Variants in MARCHF2 observed in about 807,000 individuals in gnomAD.
MARCHF2 encodes E3 ubiquitin-protein ligase MARCHF2.
MARCHF2 carries 22 observed loss-of-function variants against 24.0 expected under a neutral mutation model. That is an observed-to-expected ratio of 0.92 (90% CI 0.66 to 1.31). The LOEUF (loss-of-function observed/expected upper bound fraction) is 1.31. Among genes scored for constraint, MARCHF2 ranks in the 50% most tolerant of loss-of-function variants. The pLI is 0.00. For synonymous variants in MARCHF2, 154 were observed against 153.0 expected (o/e 1.01, Z -0.05); for missense variants, 301 against 335.3 (o/e 0.90, Z 0.80).
chr19:8,416,078 T>G (rs931336691), intron 1 of MARCHF2, among the ~76,000 whole-genome samples: 30 of 152,210 alleles, frequency 2.0e-4, no homozygotes, highest in African/African-American at 7.2e-4. Flanking sequence ...GCACAGTGGC[T>G]CATGCCTGTA....
chr19:8,426,573 C>T (rs755446130), intron 2 of MARCHF2, 36 bp from the exon 3 acceptor site: 17 of 1,582,440 alleles, frequency 1.1e-5, no homozygotes, highest in Non-Finnish European at 1.3e-5. Context: ...GACAGAAAGC[C>T]CAATCATTGC....
At chr19:8,415,731 A>C (rs74176300) in intron 1 of MARCHF2, among the ~76,000 whole-genome samples, 1,349 of 81,820 alleles carry the variant, frequency 0.016, 106 homozygotes, top group South Asian at 0.028. Context: ...CAAAAAAAAA[A>C]AAACAAAAAA....
chr19:8,428,649 C>CAAAAAA (rs59542078), intron 3 of MARCHF2, among the ~76,000 whole-genome samples: 336 of 30,680 alleles, frequency 0.011, 60 homozygotes, highest in East Asian at 0.035. Context: ...GACTCTATCT[C>CAAAAAA]AAAAAAAAAA....
In MARCHF2 at chr19:8,421,722, G is replaced by A. The variant is rs1449081596; in HGVS notation, c.-52-67G>A. On this transcript the variant is annotated intron_variant, in intron 1 of 4. Transcript: ENST00000215555. The stretch of plus-strand genomic sequence containing the variant: ...TGGTCCCTACAGCCTTGACAAGAGG[G>A]GACTCAAACCTTAGTCCGTCAGGCT... 7.3e-6 allele frequency: 6 copies of A among 824,150 alleles called. No homozygotes were observed. In the African/African-American group the frequency reaches 8.6e-5, roughly 12 times the overall value. 51.1% of individuals were successfully genotyped at this position (824,150 alleles called of 1,614,324 possible). A position where few individuals can be genotyped will look rare whatever the true frequency, so the allele number is the denominator to read the frequency against.
intron 1 of MARCHF2, among the ~76,000 whole-genome samples, chr19:8,415,744 C>CAAA (rs542384304): frequency 2.1e-5 from 2 of 96,196 alleles, no homozygotes; most frequent in African/African-American, 3.8e-5. Context: ...ACAAAAAAAA[C>CAAA]AAAAAAAAAA....
intron 1 of MARCHF2, among the ~76,000 whole-genome samples, chr19:8,418,971 G>C (rs932169667): frequency 6.6e-6 from 1 of 152,006 alleles, no homozygotes; most frequent in Non-Finnish European, 1.5e-5. Context: ...TGTAGCTCTT[G>C]GGGGTTGGAC....
intron 2 of MARCHF2, among the ~76,000 whole-genome samples, chr19:8,425,365 A>G (rs1967369154): frequency 6.6e-6 from 1 of 150,540 alleles, no homozygotes; most frequent in Non-Finnish European, 1.5e-5. Context: ...ACACCACTGC[A>G]CTCCAGCCTG....
In MARCHF2 at chr19:8,430,636, C is replaced by T; in HGVS notation, c.373-22C>T. ...CCCCTTCTCTGCCCCCTCTCCTCTG[C>T]CCCCTATCCTCTCCCCTGCAGTGGC... On this transcript the variant is annotated intron_variant, in intron 3 of 4. Transcript: ENST00000215555. This position sits in a 1 kb window ranked among gnomAD's most constrained non-coding sequence, Gnocchi z 4.4. The T allele has an allele frequency of 6.3e-7, 1 of 1,599,922 alleles. No homozygotes were observed. The highest frequency in any genetic ancestry group is 8.5e-7 in the Non-Finnish European group (1 of 1,176,042).
In MARCHF2 at chr19:8,438,617, C is replaced by T. The variant is rs1213456049; in HGVS notation, c.*71C>T. 15 of 1,486,768 alleles carry T rather than the reference C, an allele frequency of 1.0e-5. No individual in the cohort carries two copies. Among genetic ancestry groups the T allele is most frequent in the Admixed American group, 4.1e-5 (2 of 49,332 alleles). 92.1% of individuals were successfully genotyped at this position (1,486,768 alleles called of 1,614,324 possible). ...GGTGATACCCTGTCCTGTGGAAGGA[C>T]TTCCACTTCAACACTTCCACTTCAA... On this transcript the variant is annotated 3_prime_UTR_variant, in exon 5 of 5. Coordinates refer to ENST00000215555, the MANE Select transcript of MARCHF2 (RefSeq NM_001005415.2).
At position 8,430,835 on chromosome 19, in the gene MARCHF2, G is replaced by A. The variant is rs1314708175; in HGVS notation, c.550G>A (p.Ala184Thr). Residue 184 changes from alanine (A) to threonine (T), a missense_variant, in exon 4 of 5, where the codon GCC becomes ACC. Ala to Thr is a moderately conservative substitution (Grantham distance 58). Transcript: ENST00000215555. The surrounding 1 kb of genome is among the most constrained non-coding windows in gnomAD (Gnocchi z 4.4). ...EAVGLIALTI[A>T]LFTIYVLWTL... ...CGTGGGTCTCATTGCCCTCACCATC[G>A]CCCTCTTCACCATCTATGTCCTCTG... is the stretch of plus-strand genomic sequence containing the variant. The A allele has an allele frequency of 3.1e-6, 5 of 1,609,684 alleles. No individual in the cohort carries two copies. The highest frequency in any genetic ancestry group is 2.2e-5 in the East Asian group (1 of 44,872).
chr19:8,418,280 T>G (rs903637753), intron 1 of MARCHF2: 4 of 152,256 alleles, frequency 2.6e-5, no homozygotes, highest in Admixed American at 2.6e-4. Flanking sequence ...ATCTCAGGCC[T>G]GCAGTCTTCC....
At position 8,415,737 on chromosome 19, in the gene MARCHF2, A is replaced by C. The variant is rs1359336891; in HGVS notation, c.-53+2317A>C. 3.9e-4 allele frequency among the ~76,000 whole-genome samples: 38 copies of C among 96,956 alleles called. 2 individuals are homozygous for C. The highest frequency in any genetic ancestry group is 5.6e-4 in the Admixed American group (5 of 8,922). 63.6% of individuals were successfully genotyped at this position (96,956 alleles called of 152,430 possible). ...ACTCCATCTCAAAAAAAAAAAAACA[A>C]AAAAAACAAAAAAAAAAACCAGACA... On this transcript the variant is annotated intron_variant, in intron 1 of 4. Transcript: ENST00000215555.
At chr19:8,431,530 AAAAAG>A (rs1967586389) in intron 4 of MARCHF2, among the ~76,000 whole-genome samples, 1 of 150,234 alleles carries the variant, frequency 6.7e-6, no homozygotes, top group Non-Finnish European at 1.5e-5. Flanking sequence ...GGAAAAAAGA[AAAAAG>A]AAAGAAATTG....
rs1227544622 is a variant in MARCHF2, at chr19:8,438,988, A to G, written c.*442A>G. 6.4e-6 allele frequency: 1 copy of G among 155,490 alleles called. No homozygotes were observed. The highest frequency in any genetic ancestry group is 1.4e-5 in the Non-Finnish European group (1 of 69,904). 9.6% of individuals were successfully genotyped at this position (155,490 alleles called of 1,614,324 possible). ...CTGCGTTTCAAAAACCCACCCCTGA[A>G]TGAATAAAAGGAGCCCTGGCTGGAC... On this transcript the variant is annotated 3_prime_UTR_variant, in exon 5 of 5. Coordinates refer to ENST00000215555, the MANE Select transcript of MARCHF2 (RefSeq NM_001005415.2).
In MARCHF2 at chr19:8,430,660, G is replaced by A; in HGVS notation, c.375G>A (p.Trp125Ter). 6.2e-7 allele frequency: 1 copy of A among 1,607,082 alleles called. No individual in the cohort carries two copies. The highest frequency in any genetic ancestry group is 8.5e-7 in the Non-Finnish European group (1 of 1,179,712). Residue 125 changes from tryptophan to a stop codon, truncating the protein, a stop_gained and splice_region_variant, in exon 4 of 5, where the codon TGG (tryptophan) becomes TGA (stop). Coordinates refer to ENST00000215555, the MANE Select transcript of MARCHF2 (RefSeq NM_001005415.2). LOFTEE classifies it high-confidence loss of function. This position sits in a 1 kb window ranked among gnomAD's most constrained non-coding sequence, Gnocchi z 4.4. Reference protein sequence around the residue: ...VEKRPRPLTEWLKDPGPRTEK... With the variant: ...VEKRPRPLTE ...GCCCCCTATCCTCTCCCCTGCAGTG[G>A]CTGAAGGACCCGGGGCCGCGGACGG...
chr19:8,432,203 G>A (rs1334513532), intron 4 of MARCHF2, among the ~76,000 whole-genome samples: 1 of 151,778 alleles, frequency 6.6e-6, no homozygotes, highest in African/African-American at 2.4e-5. Flanking sequence ...AAATTGAAGG[G>A]GAAGAGAGAG....
intron 3 of MARCHF2, among the ~76,000 whole-genome samples, chr19:8,429,308 A>G (rs970398924): frequency 4.6e-5 from 7 of 151,824 alleles, no homozygotes; most frequent in African/African-American, 1.7e-4. Flanking sequence ...CTCATCCACC[A>G]GAATTTCATG....
At chr19:8,429,116 C>A (rs1475301495) in intron 3 of MARCHF2, among the ~76,000 whole-genome samples, 1 of 151,966 alleles carries the variant, frequency 6.6e-6, no homozygotes, top group Admixed American at 6.6e-5. Context: ...TCCCCCTATC[C>A]CAGGGCCTTT....
intron 1 of MARCHF2, among the ~76,000 whole-genome samples, chr19:8,415,968 A>C (rs1173164808): frequency 6.6e-6 from 1 of 151,942 alleles, no homozygotes; most frequent in African/African-American, 2.4e-5. Context: ...GATGCCCACC[A>C]CAGGGGCTGG....
Sources: allele counts gnomAD v4.1 joint callset (sites outside exome capture counted in the v4.1 genomes callset), GRCh38; gene constraint gnomAD v4.1.1; non-coding constraint Gnocchi (gnomAD v3.1); transcripts MANE v1.5; gene names NCBI Gene and HGNC (gene_info 2026-07-23, HGNC 2026-07-21).